The following KCND3 variants were observed in gnomAD, a reference collection of about 807,000 sequenced individuals.
The protein encoded by KCND3 is A-type voltage-gated potassium channel KCND3.
KCND3 carries 9 observed loss-of-function variants against 51.1 expected under a neutral mutation model. The ratio of observed to expected loss-of-function variants is 0.18; its 90% confidence interval spans 0.11 to 0.31. KCND3 has a LOEUF of 0.31. KCND3 is among the 10% of genes least tolerant of loss of function. KCND3 has a pLI of 1.00. For missense variants in KCND3, 526 were observed against 903.8 expected (o/e 0.58, Z 5.36); for synonymous variants, 349 against 368.0 (o/e 0.95, Z 0.59).
chr1:111,955,351 C>A lies in KCND3; in HGVS notation c.1106+26270G>T, dbSNP rs372274161. 4.5e-4 allele frequency among the ~76,000 whole-genome samples: 68 copies of A among 152,196 alleles called. 1 individual carries two copies. Among genetic ancestry groups the A allele is most frequent in the African/African-American group, 1.6e-3 (67 of 41,514 alleles). ...ACTGCTAGAGCCCAGGAGGTTGGGG[C>A]TGCAGTGAGCCATGACTGCATCATT... On this transcript the variant is annotated intron_variant, in intron 2 of 7. Transcript: ENST00000302127.
chr1:111,934,286 C>T (rs1672109712), intron 2 of KCND3, among the ~76,000 whole-genome samples: 1 of 152,230 alleles, frequency 6.6e-6, no homozygotes, highest in South Asian at 2.1e-4. Context: ...CCAGCCCATT[C>T]CATCTCTGGC....
At chr1:111,888,681 C>CAAAAAAAA (rs34732548) in intron 2 of KCND3, among the ~76,000 whole-genome samples, 1 of 103,588 alleles carries the variant, frequency 9.7e-6, no homozygotes, top group Non-Finnish European at 2.0e-5. Flanking sequence ...CACTCCATCT[C>CAAAAAAAA]AAAAAAAAAA....
At chr1:111,989,041 G>A (rs1469104794) in intron 1 of KCND3, 1 of 152,254 alleles carries the variant, frequency 6.6e-6, no homozygotes, top group Non-Finnish European at 1.5e-5. Flanking sequence ...CGTCGGGCAG[G>A]ACCAGATGGA....
rs1427026527 is a variant in KCND3, at chr1:111,912,633, TG to T, written c.1106+68987del. Among the ~76,000 whole-genome samples, 8 of 152,164 alleles carry T rather than the reference TG, an allele frequency of 5.3e-5. No homozygotes were observed. In the East Asian group the frequency reaches 1.5e-3, roughly 29 times the overall value. On this transcript the variant is annotated intron_variant, in intron 2 of 7. Transcript: ENST00000302127. The stretch of plus-strand genomic sequence containing the variant: ...GTTATTGCCCCAGATGACCTTCCAG[TG>T]GGACAAGATGTAGAGGTGGAAAACA...
At chr1:111,814,931 T>C (rs1666018539) in intron 2 of KCND3, among the ~76,000 whole-genome samples, 1 of 152,248 alleles carries the variant, frequency 6.6e-6, no homozygotes, top group Admixed American at 6.5e-5. Context: ...TGCCCTAATA[T>C]TTTTATCAAA....
intron 3 of KCND3, among the ~76,000 whole-genome samples, chr1:111,783,762 T>C (rs1664486665): frequency 6.6e-6 from 1 of 152,194 alleles, no homozygotes. Flanking sequence ...ACTGAAATCA[T>C]CCCTGGTGTT....
At chr1:111,974,379 A>C (rs1321820151) in intron 2 of KCND3, among the ~76,000 whole-genome samples, 1 of 152,200 alleles carries the variant, frequency 6.6e-6, no homozygotes, top group African/African-American at 2.4e-5. Flanking sequence ...GATTAAAAAA[A>C]AAAAAAACTT....
intron 2 of KCND3, among the ~76,000 whole-genome samples, chr1:111,835,828 C>T (rs1293210965): frequency 6.6e-6 from 1 of 152,228 alleles, no homozygotes; most frequent in African/African-American, 2.4e-5. Context: ...TGCTGCTGCT[C>T]TGCCTATGGA....
intron 2 of KCND3, among the ~76,000 whole-genome samples, chr1:111,944,043 A>C (rs988334360): frequency 1.3e-5 from 2 of 152,240 alleles, no homozygotes; most frequent in Admixed American, 6.5e-5. Context: ...GCCCTCATCC[A>C]TCTTCTTGAC....
intron 2 of KCND3, among the ~76,000 whole-genome samples, chr1:111,962,393 G>A (rs9429431): frequency 0.029 from 4,469 of 152,294 alleles, 202 homozygotes; most frequent in African/African-American, 0.1. Context: ...GAATGAACAC[G>A]TCTGTGGCTT....
intron 2 of KCND3, among the ~76,000 whole-genome samples, chr1:111,839,807 C>A (rs1667238569): frequency 6.6e-6 from 1 of 152,198 alleles, no homozygotes; most frequent in Non-Finnish European, 1.5e-5. Context: ...TGAGATTCAA[C>A]CAGGTAGGTC....
intron 2 of KCND3, among the ~76,000 whole-genome samples, chr1:111,889,824 C>G (rs955471424): frequency 6.6e-6 from 1 of 151,662 alleles, no homozygotes; most frequent in African/African-American, 2.4e-5. Context: ...GAGCAGAAGA[C>G]GGGGAGCAGG....
intron 2 of KCND3, among the ~76,000 whole-genome samples, chr1:111,934,492 G>A (rs17726989): frequency 0.093 from 14,139 of 152,298 alleles, 674 homozygotes; most frequent in African/African-American, 0.11. Flanking sequence ...AGGCCCAGGT[G>A]AAAGCGGTTG....
Position 111,902,581 on chromosome 1 carries a change from C to A in KCND3, c.1106+79040G>T, listed in dbSNP as rs78736808. 5.4e-4 allele frequency among the ~76,000 whole-genome samples: 83 copies of A among 152,300 alleles called. 1 individual carries two copies. In the East Asian group the frequency reaches 0.016, roughly 29 times the overall value. ...TTTGTGAATGCACCTGTCTCATGTG[C>A]CCACTGCTCGTTAGTGTTAAAAACT... On this transcript the variant is annotated intron_variant, in intron 2 of 7. Coordinates refer to ENST00000302127, the MANE Select transcript of KCND3 (RefSeq NM_001378969.1).
At chr1:111,899,524 T>C (rs1401173322) in intron 2 of KCND3, among the ~76,000 whole-genome samples, 1 of 152,182 alleles carries the variant, frequency 6.6e-6, no homozygotes, top group African/African-American at 2.4e-5. Flanking sequence ...CCTCCTAAGA[T>C]CAAAACCCAA....
intron 2 of KCND3, among the ~76,000 whole-genome samples, chr1:111,876,425 G>A (rs1669052902): frequency 6.6e-6 from 1 of 152,220 alleles, no homozygotes. Flanking sequence ...AGCCCAGTGA[G>A]TGGCTAATTC....
At chr1:111,806,960 G>T (rs1244396593) in intron 2 of KCND3, among the ~76,000 whole-genome samples, 3 of 152,198 alleles carry the variant, frequency 2.0e-5, no homozygotes, top group African/African-American at 2.4e-5. Flanking sequence ...CTATGGACTT[G>T]CAGCCTTGAA....
At chr1:111,912,184 A>G (rs1229606424) in intron 2 of KCND3, among the ~76,000 whole-genome samples, 1 of 152,276 alleles carries the variant, frequency 6.6e-6, no homozygotes, top group Admixed American at 6.5e-5. Flanking sequence ...AACAGGTTTC[A>G]TGATACAGTT....
At chr1:111,783,220 A>G (rs1037492532) in intron 3 of KCND3, among the ~76,000 whole-genome samples, 34 of 146,960 alleles carry the variant, frequency 2.3e-4, no homozygotes, top group Non-Finnish European at 4.5e-4. Context: ...AAAAAAAAAA[A>G]GGAGGATGTG....
Sources: gnomAD v4.1 joint callset for allele counts (sites outside exome capture counted in the v4.1 genomes callset) on GRCh38, gnomAD v4.1.1 for gene constraint, MANE v1.5 for transcripts, NCBI Gene and HGNC (gene_info 2026-07-23, HGNC 2026-07-21) for gene names.